PRDM5: variants seen among roughly 807,000 people sequenced by gnomAD.
PRDM5 encodes the protein PR/SET domain 5.
In PRDM5, 56 loss-of-function variants were observed where a neutral mutation model predicts 81.2. That is an observed-to-expected ratio of 0.69 (90% CI 0.56 to 0.86). The LOEUF is 0.86. Ranked by LOEUF, PRDM5 falls within the 40% of genes least tolerant of loss-of-function variation. The pLI is 0.00. For missense variants in PRDM5, 697 were observed against 770.1 expected (o/e 0.91, Z 1.12); for synonymous variants, 267 against 256.4 (o/e 1.04, Z -0.39).
At position 120,841,018 on chromosome 4, in the gene PRDM5, C is replaced by A. The variant is rs533772646; in HGVS notation, c.300+12400G>T. 2.4e-3 allele frequency among the ~76,000 whole-genome samples: 360 copies of A among 152,292 alleles called. 1 individual carries two copies. Among genetic ancestry groups the A allele is most frequent in the Middle Eastern group, 6.8e-3 (2 of 294 alleles). On this transcript the variant is annotated intron_variant, in intron 3 of 15. Coordinates refer to ENST00000264808, the MANE Select transcript of PRDM5 (RefSeq NM_018699.4). ...GGGACCCCAGTGAAAAAGTCTAGAA[C>A]TTATTCCTCCTATCTTGCTGTAATT... is the stretch of plus-strand genomic sequence containing the variant.
intron 13 of PRDM5, among the ~76,000 whole-genome samples, chr4:120,766,629 G>A (rs1413710482): frequency 1.3e-5 from 2 of 152,116 alleles, no homozygotes; most frequent in Non-Finnish European, 2.9e-5. Flanking sequence ...AGGGGTCAGG[G>A]GGTATGTCAA....
intron 15 of PRDM5, among the ~76,000 whole-genome samples, chr4:120,701,900 A>AG (rs1735430876): frequency 6.6e-6 from 1 of 152,130 alleles, no homozygotes; most frequent in Non-Finnish European, 1.5e-5. Flanking sequence ...GCCTGCTGCA[A>AG]TATACATCTC....
At chr4:120,812,763 T>C (rs1276404302) in intron 7 of PRDM5, 1 of 407,422 alleles carries the variant, frequency 2.5e-6, no homozygotes, top group East Asian at 8.6e-5. Context: ...CAGCTTCATA[T>C]ACCACCTTTC....
Position 120,766,695 on chromosome 4 carries a change from G to A in PRDM5, c.1537+10493C>T, listed in dbSNP as rs117791891. The stretch of plus-strand genomic sequence containing the variant: ...ATATATTGGAAAAAGTTTAAGCCTC[G>A]GTTTAGTTCTAGCTGAACCACATAC... On this transcript the variant is annotated intron_variant, in intron 13 of 15. Coordinates refer to ENST00000264808, the MANE Select transcript of PRDM5 (RefSeq NM_018699.4). 5.5e-4 allele frequency among the ~76,000 whole-genome samples: 83 copies of A among 152,172 alleles called. 2 individuals carry two copies. The East Asian group carries it at 0.015, about 28-fold the overall frequency.
chr4:120,700,300 A>T (rs1735166847), intron 15 of PRDM5, among the ~76,000 whole-genome samples: 1 of 152,226 alleles, frequency 6.6e-6, no homozygotes, highest in South Asian at 2.1e-4. Context: ...ATATACAAAA[A>T]TTAACTTTAA....
intron 4 of PRDM5, among the ~76,000 whole-genome samples, chr4:120,819,809 A>G (rs1373199455): frequency 6.6e-6 from 1 of 152,210 alleles, no homozygotes; most frequent in Non-Finnish European, 1.5e-5. Flanking sequence ...ATCACCCAAA[A>G]TATGATATTC....
At chr4:120,889,883 C>T (rs181090837) in intron 2 of PRDM5, among the ~76,000 whole-genome samples, 1 of 152,130 alleles carries the variant, frequency 6.6e-6, no homozygotes, top group African/African-American at 2.4e-5. Flanking sequence ...AAGGCATGAT[C>T]TAGTTCTTTT....
At chr4:120,847,838 G>A (rs1758832573) in intron 3 of PRDM5, among the ~76,000 whole-genome samples, 2 of 152,046 alleles carry the variant, frequency 1.3e-5, no homozygotes, top group South Asian at 4.1e-4. Context: ...CTGTTTTACC[G>A]CTGGGTGAGA....
chr4:120,773,821 T>C lies in PRDM5; in HGVS notation c.1537+3367A>G, dbSNP rs142972550. Among the ~76,000 whole-genome samples the C allele has an allele frequency of 1.1e-3, 174 of 152,296 alleles. 5 individuals are homozygous for C. In the East Asian group the frequency reaches 0.03, roughly 27 times the overall value. ...CAAATTCTGCAATCAAAAGAACATA[T>C]TGCAGCAGGATGAGTGAAGAAACAG... On this transcript the variant is annotated intron_variant, in intron 13 of 15. Coordinates refer to ENST00000264808, the MANE Select transcript of PRDM5 (RefSeq NM_018699.4).
intron 14 of PRDM5, among the ~76,000 whole-genome samples, chr4:120,726,678 C>T (rs965097927): frequency 6.6e-6 from 1 of 152,160 alleles, no homozygotes; most frequent in Non-Finnish European, 1.5e-5. Flanking sequence ...TCAGTGAGTA[C>T]ACATTTCTCT....
At chr4:120,771,715 A>G (rs1326739725) in intron 13 of PRDM5, among the ~76,000 whole-genome samples, 2 of 152,206 alleles carry the variant, frequency 1.3e-5, no homozygotes, top group African/African-American at 4.8e-5. Context: ...GGTATTGAAC[A>G]TGAAAATTCT....
chr4:120,781,423 C>T (rs1749019598), intron 11 of PRDM5, 120 bp from the exon 12 acceptor site: 1 of 890,386 alleles, frequency 1.1e-6, no homozygotes, highest in African/African-American at 1.7e-5. Context: ...AGAATGTTAA[C>T]TTTTTATTTT....
In PRDM5 at chr4:120,694,901, T is replaced by C. The variant is rs1262111617; in HGVS notation, c.*210A>G. 7.0e-6 allele frequency: 4 copies of C among 571,892 alleles called. No individual in the cohort carries two copies. The highest frequency in any genetic ancestry group is 1.2e-5 in the Non-Finnish European group (4 of 323,344). The allele number at this position is 571,892 out of a possible 1,614,324, so 35.4% of individuals were successfully genotyped here. On this transcript the variant is annotated 3_prime_UTR_variant, in exon 16 of 16. Transcript: ENST00000264808. ...AGTTGCATTTTGCAAGGCTATGGAG[T>C]TGTATTTTTTTTCCATTTATACCAT...
chr4:120,894,239 T>C (rs576213825), intron 2 of PRDM5, among the ~76,000 whole-genome samples: 1 of 152,332 alleles, frequency 6.6e-6, no homozygotes, highest in African/African-American at 2.4e-5. Flanking sequence ...ATTTACTTAC[T>C]AGAAACCCGC....
intron 1 of PRDM5, among the ~76,000 whole-genome samples, chr4:120,914,468 G>A (rs1186364935): frequency 6.6e-5 from 10 of 152,096 alleles, no homozygotes; most frequent in Non-Finnish European, 1.3e-4. Flanking sequence ...GATGAGAAGT[G>A]TATTAATCTA....
chr4:120,825,743 C>A (rs2149357650), intron 3 of PRDM5, among the ~76,000 whole-genome samples: 1 of 152,188 alleles, frequency 6.6e-6, no homozygotes, highest in Admixed American at 6.5e-5. Context: ...ATCTGCCTGC[C>A]TAGTAGAGCT....
intron 2 of PRDM5, among the ~76,000 whole-genome samples, chr4:120,883,509 T>C (rs187370763): frequency 8.8e-5 from 13 of 148,340 alleles, no homozygotes; most frequent in African/African-American, 2.5e-4. Context: ...GAATCCAAAA[T>C]ACTTATCTGA....
intron 2 of PRDM5, among the ~76,000 whole-genome samples, chr4:120,889,960 G>A (rs1035190350): frequency 6.6e-6 from 1 of 152,082 alleles, no homozygotes; most frequent in Admixed American, 6.6e-5. Context: ...GGGCATGCAG[G>A]CTGATTCCAT....
chr4:120,909,289 C>T (rs1289128948), intron 1 of PRDM5, among the ~76,000 whole-genome samples: 1 of 152,152 alleles, frequency 6.6e-6, no homozygotes, highest in African/African-American at 2.4e-5. Flanking sequence ...CACCTGATGC[C>T]ACCTCCTCAG....
Sources: gnomAD v4.1 joint callset for allele counts (sites outside exome capture counted in the v4.1 genomes callset) on GRCh38, gnomAD v4.1.1 for gene constraint, MANE v1.5 for transcripts, NCBI Gene and HGNC (gene_info 2026-07-23, HGNC 2026-07-21) for gene names.